Variants in AKT3 observed in about 807,000 individuals in gnomAD.
AKT3 encodes AKT serine/threonine kinase 3.
Under a neutral mutation model 65.3 loss-of-function variants are expected in AKT3, and 15 were observed. The observed-to-expected ratio is 0.23, with a 90% CI of 0.15 to 0.35. The LOEUF (loss-of-function observed/expected upper bound fraction) is 0.35. Among genes scored for constraint, AKT3 ranks in the 10% least tolerant of loss-of-function variants. The probability of loss-of-function intolerance (pLI) is 1.00; values close to 1 mark genes in which losing one functional copy is unlikely to be tolerated. For missense variants in AKT3, 243 were observed against 576.5 expected (o/e 0.42, Z 5.92); for synonymous variants, 206 against 183.8 (o/e 1.12, Z -0.98).
intron 4 of AKT3, among the ~76,000 whole-genome samples, chr1:243,649,360 T>TAA (rs1369015866): frequency 1.1e-4 from 14 of 126,476 alleles, no homozygotes; most frequent in African/African-American, 3.8e-4. Context: ...TGTGTGTGTA[T>TAA]GTTGGGTGTG....
chr1:243,543,506 G>A (rs1160589838), intron 12 of AKT3, among the ~76,000 whole-genome samples: 1 of 152,020 alleles, frequency 6.6e-6, no homozygotes, highest in Admixed American at 6.6e-5. Context: ...TAGAAAGGAT[G>A]ATATTTAGTT....
chr1:243,691,513 G>A (rs566605652), intron 3 of AKT3, among the ~76,000 whole-genome samples: 1 of 152,224 alleles, frequency 6.6e-6, no homozygotes, highest in Non-Finnish European at 1.5e-5. Context: ...GATATGATGA[G>A]GCCTCATTCT....
At chr1:243,533,646 T>C (rs1379604425) in intron 12 of AKT3, among the ~76,000 whole-genome samples, 1 of 152,090 alleles carries the variant, frequency 6.6e-6, no homozygotes, top group Non-Finnish European at 1.5e-5. Context: ...GAAGGCAGAA[T>C]AAAAATGGGA....
chr1:243,655,781 G>C (rs1681732572), intron 4 of AKT3, among the ~76,000 whole-genome samples: 1 of 151,846 alleles, frequency 6.6e-6, no homozygotes, highest in South Asian at 2.1e-4. Flanking sequence ...TCTCCTCTTT[G>C]GCAGATCCTA....
chr1:243,713,411 A>G (rs1686280869), intron 2 of AKT3, among the ~76,000 whole-genome samples: 1 of 152,208 alleles, frequency 6.6e-6, no homozygotes, highest in African/African-American at 2.4e-5. Context: ...GATAATTAGT[A>G]TGTACCCTTG....
intron 13 of AKT3, among the ~76,000 whole-genome samples, chr1:243,506,433 C>CGCT (rs1367924312): frequency 6.6e-6 from 1 of 152,196 alleles, no homozygotes. Context: ...AGGGAGCATC[C>CGCT]GCTGGATGTG....
intron 2 of AKT3, among the ~76,000 whole-genome samples, chr1:243,839,905 G>T (rs532399239): frequency 1.7e-4 from 25 of 150,342 alleles, no homozygotes; most frequent in Non-Finnish European, 8.9e-5. Flanking sequence ...GAAAAGGTCC[G>T]GGTGCGGTGG....
At position 243,690,561 on chromosome 1, in the gene AKT3, C is replaced by T. The variant is rs182090047; in HGVS notation, c.172+5030G>A. ...CATTGGCACCTATATATTAATAGTT[C>T]TTATGTGATCCACCCAAAGAAGGGT... On this transcript the variant is annotated intron_variant, in intron 3 of 13. Coordinates refer to ENST00000673466, the MANE Select transcript of AKT3 (RefSeq NM_005465.7). Among the ~76,000 whole-genome samples, 111 of 152,206 alleles carry T rather than the reference C, an allele frequency of 7.3e-4. 1 individual carries two copies. The highest frequency in any genetic ancestry group is 1.2e-3 in the Non-Finnish European group (84 of 68,008).
intron 2 of AKT3, among the ~76,000 whole-genome samples, chr1:243,743,387 T>C (rs1397975371): frequency 6.6e-6 from 1 of 152,216 alleles, no homozygotes; most frequent in Non-Finnish European, 1.5e-5. Context: ...AACACTTCAT[T>C]TTTTCTAGTC....
rs562910361 is a variant in AKT3, at chr1:243,648,503, A to G, written c.285-2466T>C. ...TTGATACTTTGTTAAGAAATTCTGC[A>G]TATGTTCACAAGTGTATTGGGCTAT... On this transcript the variant is annotated intron_variant, in intron 4 of 13. Transcript: ENST00000673466. Among the ~76,000 whole-genome samples, 54 of 152,276 alleles carry G rather than the reference A, an allele frequency of 3.5e-4. 1 individual carries two copies. Among genetic ancestry groups the G allele is most frequent in the Middle Eastern group, 6.8e-3 (2 of 294 alleles).
intron 13 of AKT3, among the ~76,000 whole-genome samples, chr1:243,511,057 A>G (rs1669980882): frequency 6.6e-6 from 1 of 152,230 alleles, no homozygotes; most frequent in Non-Finnish European, 1.5e-5. Context: ...ACTCTTAGTG[A>G]TTCTAAAATT....
intron 1 of AKT3, among the ~76,000 whole-genome samples, chr1:243,846,846 CCACAATAAGT>C (rs943705138): frequency 6.6e-6 from 1 of 152,120 alleles, no homozygotes; most frequent in Non-Finnish European, 1.5e-5. Context: ...TTTTAGAATG[CCACAATAAGT>C]TTTTCTTATG....
intron 2 of AKT3, among the ~76,000 whole-genome samples, chr1:243,824,118 A>C (rs1235219598): frequency 6.6e-6 from 1 of 152,234 alleles, no homozygotes; most frequent in African/African-American, 2.4e-5. Context: ...GTCTATAACC[A>C]TCTGATCTTT....
intron 6 of AKT3, among the ~76,000 whole-genome samples, chr1:243,618,547 G>A (rs1678503975): frequency 6.6e-6 from 1 of 152,066 alleles, no homozygotes; most frequent in Non-Finnish European, 1.5e-5. Context: ...TCCATCTGTT[G>A]ATCATAATTA....
chr1:243,678,427 G>A (rs893707174), intron 3 of AKT3, among the ~76,000 whole-genome samples: 1 of 151,906 alleles, frequency 6.6e-6, no homozygotes, highest in African/African-American at 2.4e-5. Context: ...AAGAATGGGG[G>A]GAAAATCTCA....
intron 11 of AKT3, among the ~76,000 whole-genome samples, chr1:243,552,045 T>G (rs896307704): frequency 2.0e-5 from 3 of 152,044 alleles, no homozygotes; most frequent in Non-Finnish European, 4.4e-5. Flanking sequence ...ATCCCAGCAC[T>G]TTGGGAGGCC....
At chr1:243,745,992 T>C (rs1688452657) in intron 2 of AKT3, among the ~76,000 whole-genome samples, 1 of 152,166 alleles carries the variant, frequency 6.6e-6, no homozygotes, top group Non-Finnish European at 1.5e-5. Context: ...TGTAGCAAAA[T>C]CTGCATTAAC....
chr1:243,793,472 G>A (rs192495038), intron 2 of AKT3: 1 of 152,094 alleles, frequency 6.6e-6, no homozygotes, highest in African/African-American at 2.4e-5. Context: ...TACCACAGAA[G>A]AGTAAAACTG....
Position 243,522,770 on chromosome 1 carries a change from C to T in AKT3, c.1252-10344G>A, listed in dbSNP as rs139032425. 2.0e-3 allele frequency among the ~76,000 whole-genome samples: 308 copies of T among 152,222 alleles called. 1 individual carries two copies. Among genetic ancestry groups the T allele is most frequent in the African/African-American group, 7.0e-3 (292 of 41,526 alleles). Reference sequence around the variant, plus strand: ...ATGTAGGTAGGTTACTAGGCAGTAACATTAAGGTCTATTAAACCAGAAATA... The same window carrying T: ...ATGTAGGTAGGTTACTAGGCAGTAATATTAAGGTCTATTAAACCAGAAATA... On this transcript the variant is annotated intron_variant, in intron 12 of 13. Transcript: ENST00000673466.
Sources: gnomAD v4.1 joint callset for allele counts (sites outside exome capture counted in the v4.1 genomes callset) on GRCh38, gnomAD v4.1.1 for gene constraint, MANE v1.5 for transcripts, NCBI Gene and HGNC (gene_info 2026-07-23, HGNC 2026-07-21) for gene names.